COL4A2: variants seen among roughly 807,000 people sequenced by gnomAD.
COL4A2 encodes the protein collagen alpha-2(IV) chain.
In COL4A2, 99 loss-of-function variants were observed where a neutral mutation model predicts 200.2. The observed-to-expected ratio is 0.49, with a 90% CI of 0.42 to 0.58. The LOEUF is 0.58. Ranked by LOEUF, COL4A2 falls within the 20% of genes least tolerant of loss-of-function variation. The pLI is 0.00. For missense variants in COL4A2, 1,950 were observed against 2,314.1 expected, an observed-to-expected ratio of 0.84 and a Z score of 3.23; for synonymous variants, 897 against 900.6, an observed-to-expected ratio of 1.00 and a Z score of 0.07.
chr13:110,502,974 G>A (rs1046942884), intron 41 of COL4A2, 147 bp from the exon 42 acceptor site: 9 of 754,028 alleles, frequency 1.2e-5, no homozygotes, highest in South Asian at 6.9e-5. Context: ...CGTATTTTAC[G>A]ACAATTTTTT....
intron 4 of COL4A2, among the ~76,000 whole-genome samples, chr13:110,386,629 A>G (rs979149962): frequency 6.6e-6 from 1 of 152,236 alleles, no homozygotes; most frequent in East Asian, 1.9e-4. Context: ...TATGTAATAC[A>G]TTGATATGTA....
intron 3 of COL4A2, among the ~76,000 whole-genome samples, chr13:110,348,061 T>TG (rs2139378147): frequency 6.6e-6 from 1 of 152,370 alleles, no homozygotes; most frequent in African/African-American, 2.4e-5. Flanking sequence ...CCCAACTCGT[T>TG]GAACTACTGT....
intron 4 of COL4A2, among the ~76,000 whole-genome samples, chr13:110,363,050 A>T (rs1877585701): frequency 6.6e-6 from 1 of 152,196 alleles, no homozygotes. Flanking sequence ...AAACTGGTAA[A>T]TATGAAGACT....
intron 46 of COL4A2, 94 bp downstream of exon 46, chr13:110,506,700 AC>A: frequency 7.6e-7 from 1 of 1,311,484 alleles, no homozygotes; most frequent in Middle Eastern, 2.5e-4. Flanking sequence ...CAAACCCTCC[AC>A]GGCTGGTAAG....
At chr13:110,337,220 C>T (rs1405694920) in intron 3 of COL4A2, among the ~76,000 whole-genome samples, 2 of 152,196 alleles carry the variant, frequency 1.3e-5, no homozygotes, top group African/African-American at 2.4e-5. Flanking sequence ...GGCATGGGCG[C>T]CGGAAGTTTT....
At chr13:110,309,768 GC>G (rs11300392) in intron 3 of COL4A2, among the ~76,000 whole-genome samples, 33,445 of 152,092 alleles carry the variant, frequency 0.22, 3,868 homozygotes, top group South Asian at 0.27. Flanking sequence ...CCTGTGGATT[GC>G]CTGAGCTCAG....
chr13:110,378,130 G>A (rs1566500953), intron 4 of COL4A2, among the ~76,000 whole-genome samples: 1 of 152,212 alleles, frequency 6.6e-6, no homozygotes, highest in South Asian at 2.1e-4. Flanking sequence ...TTTCAACAGG[G>A]CTCATTAGGC....
intron 4 of COL4A2, among the ~76,000 whole-genome samples, chr13:110,413,829 T>A (rs12868452): frequency 0.05 from 7,663 of 152,230 alleles, 187 homozygotes; most frequent in Middle Eastern, 0.11. Flanking sequence ...TGTGGGACCC[T>A]CAGCATGTGG....
chr13:110,431,687 C>T lies in COL4A2; in HGVS notation c.649-638C>T, dbSNP rs187374586. Reference sequence around the variant, plus strand: ...GCACAACAGATTGTACTTGCTAGGTCCTCAGCTGCTCTGACAGCTTTTGGT... The same window carrying T: ...GCACAACAGATTGTACTTGCTAGGTTCTCAGCTGCTCTGACAGCTTTTGGT... On this transcript the variant is annotated intron_variant, in intron 10 of 47. Transcript: ENST00000360467. 2.1e-3 allele frequency among the ~76,000 whole-genome samples: 323 copies of T among 152,308 alleles called. 1 individual carries two copies. Among genetic ancestry groups the T allele is most frequent in the African/African-American group, 7.4e-3 (309 of 41,576 alleles).
At chr13:110,315,551 A>G (rs1188155983) in intron 3 of COL4A2, among the ~76,000 whole-genome samples, 1 of 152,154 alleles carries the variant, frequency 6.6e-6, no homozygotes, top group East Asian at 1.9e-4. Flanking sequence ...ACGAGTCACC[A>G]TTCTCAGCTA....
At chr13:110,471,184 G>A (rs559001030) in intron 28 of COL4A2, among the ~76,000 whole-genome samples, 84 of 152,336 alleles carry the variant, frequency 5.5e-4, no homozygotes, top group South Asian at 2.1e-3. Context: ...AAAGTTCTCT[G>A]GTAATTGTGA....
chr13:110,466,941 G>T, intron 26 of COL4A2, 99 bp from the exon 27 acceptor site: 1 of 1,491,142 alleles, frequency 6.7e-7, no homozygotes, highest in Non-Finnish European at 9.2e-7. Flanking sequence ...ATGGTAGCCG[G>T]TTTGCACAGC....
At chr13:110,327,509 A>AAAAG (rs1387597497) in intron 3 of COL4A2, among the ~76,000 whole-genome samples, 1 of 152,246 alleles carries the variant, frequency 6.6e-6, no homozygotes, top group Non-Finnish European at 1.5e-5. Context: ...TCTTGTCATC[A>AAAAG]AAAGACAAGC....
chr13:110,449,373 G>T (rs1178371371), intron 18 of COL4A2, among the ~76,000 whole-genome samples: 1 of 152,178 alleles, frequency 6.6e-6, no homozygotes, highest in Non-Finnish European at 1.5e-5. Flanking sequence ...AGAGTGGGGT[G>T]CAGGGAAGTG....
intron 4 of COL4A2, among the ~76,000 whole-genome samples, chr13:110,404,277 T>C (rs528481782): frequency 6.6e-6 from 1 of 152,366 alleles, no homozygotes; most frequent in African/African-American, 2.4e-5. Context: ...AATTGAGCTG[T>C]TTAGATGCCG....
In COL4A2 at chr13:110,428,632, T is replaced by C. The variant is rs375905269; in HGVS notation, c.477+49T>C. The C allele has an allele frequency of 1.0e-4, 114 of 1,129,126 alleles. 1 individual carries two copies. Among genetic ancestry groups the C allele is most frequent in the Non-Finnish European group, 1.3e-4 (108 of 811,082 alleles). The allele number at this position is 1,129,126 out of a possible 1,614,324, so 69.9% of individuals were successfully genotyped here. On this transcript the variant is annotated intron_variant, in intron 7 of 47. Coordinates refer to ENST00000360467, the MANE Select transcript of COL4A2 (RefSeq NM_001846.4). ...GCTCCAGGGACGGGCAGACCCCTGC[T>C]AAGCCCTGCCTTTATAACCTGGGGG...
rs1210621623 is a variant in COL4A2 at position 110,450,361 on chromosome 13, G to A, written c.1246G>A (p.Gly416Ser). ...MGPKGFIGDP[G>S]IPALYGGPPG... Reference sequence around the variant, plus strand: ...ACCCAAGGGCTTCATCGGAGACCCCGGCATCCCTGCGCTCTACGGGGGCCC... The same window carrying A: ...ACCCAAGGGCTTCATCGGAGACCCCAGCATCCCTGCGCTCTACGGGGGCCC... The change falls in exon 20 of 48, where the codon GGC becomes AGC. Residue 416 changes from glycine (G) to serine (S), a missense_variant. Around this residue, in one of 2 missense-constraint regions of COL4A2, gnomAD observed 565 missense variants for 593.5 expected, o/e 0.95. Transcript: ENST00000360467. The A allele has an allele frequency of 2.5e-6, 4 of 1,613,632 alleles. No homozygotes were observed. The highest frequency in any genetic ancestry group is 1.1e-5 in the South Asian group (1 of 91,074).
intron 3 of COL4A2, among the ~76,000 whole-genome samples, chr13:110,319,423 T>A (rs1383441370): frequency 6.6e-6 from 1 of 152,126 alleles, no homozygotes; most frequent in Non-Finnish European, 1.5e-5. Flanking sequence ...GCAAGAAAAC[T>A]CAAGAGGCTT....
intron 3 of COL4A2, among the ~76,000 whole-genome samples, chr13:110,333,992 C>T (rs994898888): frequency 1.3e-4 from 20 of 152,196 alleles, no homozygotes; most frequent in African/African-American, 4.3e-4. Context: ...CCGGCACCGC[C>T]CATGGAGCTG....
Sources: allele counts gnomAD v4.1 joint callset (sites outside exome capture counted in the v4.1 genomes callset), GRCh38; gene constraint gnomAD v4.1.1; regional missense constraint gnomAD v4.1.1; transcripts MANE v1.5; gene names NCBI Gene and HGNC (gene_info 2026-07-23, HGNC 2026-07-21).